MMS22L: variants seen among roughly 807,000 people sequenced by gnomAD.
The protein encoded by MMS22L is MMS22 like, DNA repair protein.
In MMS22L, 74 loss-of-function variants were observed where a neutral mutation model predicts 159.1. The observed-to-expected ratio is 0.47, with a 90% CI of 0.39 to 0.56. The LOEUF (loss-of-function observed/expected upper bound fraction) is 0.56, where lower values mean the gene tolerates loss of function less well. Among genes scored for constraint, MMS22L ranks in the 20% least tolerant of loss-of-function variants. The probability of loss-of-function intolerance (pLI) is 0.00; values close to 1 mark genes in which losing one functional copy is unlikely to be tolerated. For synonymous variants in MMS22L, 517 were observed against 506.9 expected, an observed-to-expected ratio of 1.02 and a Z score of -0.27; for missense variants, 1,351 against 1,422.1, an observed-to-expected ratio of 0.95 and a Z score of 0.80.
intron 16 of MMS22L, among the ~76,000 whole-genome samples, 184 bp downstream of exon 16, chr6:97,181,720 A>C (rs985276612): frequency 5.3e-5 from 8 of 152,146 alleles, no homozygotes; most frequent in African/African-American, 1.7e-4. Context: ...AGGCCACAAA[A>C]TATAAGTTAG....
At chr6:97,186,293 A>G (rs1446232778) in intron 15 of MMS22L, among the ~76,000 whole-genome samples, 1 of 152,172 alleles carries the variant, frequency 6.6e-6, no homozygotes, top group Non-Finnish European at 1.5e-5. Context: ...CAGGATAGAA[A>G]ATTATCTTAT....
rs1800810280 is a variant in MMS22L, at chr6:97,144,628, C to T, written c.*2178G>A. On this transcript the variant is annotated 3_prime_UTR_variant, in exon 25 of 25. Transcript: ENST00000683635. The stretch of plus-strand genomic sequence containing the variant: ...GTAGAAGCAGCAGCCTCAGAAATTA[C>T]AGGGTATTTAGGGAAAGTGGCTATT... 1 of 151,964 alleles carries T rather than the reference C, an allele frequency of 6.6e-6. No homozygotes were observed. The highest frequency in any genetic ancestry group is 2.4e-5 in the African/African-American group (1 of 41,340). The allele number at this position is 151,964 out of a possible 1,614,324, so 9.4% of individuals were successfully genotyped here.
chr6:97,230,919 G>T (rs1810794181), intron 13 of MMS22L: 1 of 153,834 alleles, frequency 6.5e-6, no homozygotes, highest in Non-Finnish European at 1.4e-5. Flanking sequence ...CTGAGCAAGT[G>T]GTAGATGGTG....
chr6:97,227,956 G>C (rs1420734996), intron 14 of MMS22L, among the ~76,000 whole-genome samples: 1 of 152,228 alleles, frequency 6.6e-6, no homozygotes, highest in African/African-American at 2.4e-5. Flanking sequence ...CTGAAAAACA[G>C]TAAGTTTTGT....
intron 10 of MMS22L, among the ~76,000 whole-genome samples, chr6:97,251,984 G>T (rs946490320): frequency 1.3e-5 from 2 of 152,114 alleles, no homozygotes; most frequent in Non-Finnish European, 2.9e-5. Flanking sequence ...TCAGGAGGCA[G>T]AGGCAGGAGA....
intron 10 of MMS22L, among the ~76,000 whole-genome samples, chr6:97,247,711 T>A (rs1812815976): frequency 6.6e-6 from 1 of 151,756 alleles, no homozygotes; most frequent in Admixed American, 6.6e-5. Flanking sequence ...GAACAAGACT[T>A]CGTCTCAGAA....
At chr6:97,184,447 T>C (rs1240148422) in intron 15 of MMS22L, among the ~76,000 whole-genome samples, 1 of 152,098 alleles carries the variant, frequency 6.6e-6, no homozygotes, top group African/African-American at 2.4e-5. Flanking sequence ...TCTAGGATCA[T>C]TATCTAAGTG....
At chr6:97,160,023 C>T (rs1009867071) in intron 22 of MMS22L, among the ~76,000 whole-genome samples, 1 of 124,540 alleles carries the variant, frequency 8.0e-6, no homozygotes, top group South Asian at 2.8e-4. Flanking sequence ...TAGCCTAATA[C>T]TGTTTTCTCT....
chr6:97,229,401 A>C lies in MMS22L; in HGVS notation c.1532T>G (p.Ile511Arg). The change falls in exon 14 of 25, where the codon ATA (isoleucine) becomes AGA (arginine). Residue 511 changes from isoleucine to arginine, a missense_variant and splice_region_variant. Coordinates refer to ENST00000683635, the MANE Select transcript of MMS22L (RefSeq NM_001350599.2). The stretch of plus-strand genomic sequence containing the variant: ...TCTTTTTTGATGGAATTTTGAATAT[A>C]TTCTGTAAAACATTAAAAAATGCTT... ...PHPWKQVKGR[I>R]YSKFHQKRME... 1 of 1,541,186 alleles carries C rather than the reference A, an allele frequency of 6.5e-7. No individual in the cohort carries two copies. Among genetic ancestry groups the C allele is most frequent in the South Asian group, 1.2e-5 (1 of 81,512 alleles).
At chr6:97,157,232 G>A (rs1801952442) in intron 22 of MMS22L, among the ~76,000 whole-genome samples, 1 of 152,174 alleles carries the variant, frequency 6.6e-6, no homozygotes, top group East Asian at 1.9e-4. Flanking sequence ...AGACGATGGG[G>A]TTTCCTAAAT....
Position 97,144,750 on chromosome 6 carries a change from C to T in MMS22L, c.*2056G>A, listed in dbSNP as rs1427230071. 6.6e-6 allele frequency: 1 copy of T among 151,866 alleles called. No homozygotes were observed. 9.4% of individuals were successfully genotyped at this position (151,866 alleles called of 1,614,324 possible). On this transcript the variant is annotated 3_prime_UTR_variant, in exon 25 of 25. Coordinates refer to ENST00000683635, the MANE Select transcript of MMS22L (RefSeq NM_001350599.2). The stretch of plus-strand genomic sequence containing the variant: ...CAGTGAAGATTTTAAAAAAAAGGAA[C>T]TGAGCCATAAATTTTCTTCTTTTTT...
At chr6:97,194,516 T>C (rs1422762748) in intron 14 of MMS22L, among the ~76,000 whole-genome samples, 1 of 152,212 alleles carries the variant, frequency 6.6e-6, no homozygotes, top group Non-Finnish European at 1.5e-5. Flanking sequence ...ATCTGGCATA[T>C]ATATTTTCAA....
intron 11 of MMS22L, among the ~76,000 whole-genome samples, chr6:97,236,884 A>G (rs902182639): frequency 2.0e-5 from 3 of 151,744 alleles, no homozygotes; most frequent in Admixed American, 6.6e-5. Flanking sequence ...CTGGGAGGCG[A>G]AGCTTGCAGT....
intron 14 of MMS22L, among the ~76,000 whole-genome samples, chr6:97,205,029 C>T (rs1176683114): frequency 6.7e-6 from 1 of 148,678 alleles, no homozygotes; most frequent in Non-Finnish European, 1.5e-5. Flanking sequence ...CTGCAAGCTC[C>T]GCCTCCCAGG....
At chr6:97,260,801 G>A (rs1442245835) in intron 9 of MMS22L, 1 of 152,056 alleles carries the variant, frequency 6.6e-6, no homozygotes, top group Non-Finnish European at 1.5e-5. Context: ...ACCTTCTTTT[G>A]ACAATGCACC....
intron 8 of MMS22L, chr6:97,265,829 C>A (rs1169226831): frequency 6.6e-6 from 1 of 151,876 alleles, no homozygotes; most frequent in Non-Finnish European, 1.5e-5. Flanking sequence ...TCAAGCAATT[C>A]TCCCGCCTCA....
At chr6:97,279,533 C>T (rs1816559480) in intron 3 of MMS22L, among the ~76,000 whole-genome samples, 1 of 151,500 alleles carries the variant, frequency 6.6e-6, no homozygotes. Context: ...GCCTGTAATC[C>T]TAGCACTTTG....
chr6:97,238,562 T>A (rs1811680911), intron 11 of MMS22L, among the ~76,000 whole-genome samples: 1 of 122,256 alleles, frequency 8.2e-6, no homozygotes, highest in Non-Finnish European at 1.7e-5. Context: ...GCTCTCAGCG[T>A]GTCTCATCTC....
intron 11 of MMS22L, among the ~76,000 whole-genome samples, chr6:97,238,092 C>T (rs940434682): frequency 8.5e-5 from 13 of 152,282 alleles, no homozygotes; most frequent in Middle Eastern, 6.8e-3. Context: ...TCTGCCATTT[C>T]CTAAGCTAGC....
Sources: allele counts gnomAD v4.1 joint callset (sites outside exome capture counted in the v4.1 genomes callset), GRCh38; gene constraint gnomAD v4.1.1; transcripts MANE v1.5; gene names NCBI Gene and HGNC (gene_info 2026-07-23, HGNC 2026-07-21).